The following SBNO1 variants were observed in gnomAD, a reference collection of about 807,000 sequenced individuals.
The protein encoded by SBNO1 is protein strawberry notch homolog 1.
A neutral mutation model predicts 173.6 loss-of-function variants in SBNO1; 23 were observed. The observed-to-expected ratio is 0.13, with a 90% CI of 0.10 to 0.19. The LOEUF is 0.19. SBNO1 is among the 10% of genes least tolerant of loss of function. The pLI, the probability that SBNO1 is intolerant of heterozygous loss-of-function variation, is 1.00. For missense variants in SBNO1, 1,238 were observed against 1,671.2 expected (o/e 0.74, Z 4.52); for synonymous variants, 632 against 571.5 (o/e 1.11, Z -1.51).
Position 123,298,185 on chromosome 12 carries a change from G to GA in SBNO1, c.3846-15dup, listed in dbSNP as rs751769276. 87 of 1,609,628 alleles carry GA rather than the reference G, an allele frequency of 5.4e-5. No individual in the cohort carries two copies. The highest frequency in any genetic ancestry group is 5.4e-5 in the Non-Finnish European group (64 of 1,178,692). On this transcript the variant is annotated splice_polypyrimidine_tract_variant and intron_variant, in intron 30 of 31. Transcript: ENST00000602398. Reference sequence around the variant, plus strand: ...CAATTGCCGCGCCTAAGAAAAATGGGAAAGAAATACATATGAGTGTCTATA... The same window carrying GA: ...CAATTGCCGCGCCTAAGAAAAATGGGAAAAGAAATACATATGAGTGTCTATA...
Position 123,293,538 on chromosome 12 carries a change from C to A in SBNO1, c.*2370G>T, listed in dbSNP as rs1045078340. The A allele has an allele frequency of 6.6e-6, 1 of 152,122 alleles. No homozygotes were observed. The highest frequency in any genetic ancestry group is 1.5e-5 in the Non-Finnish European group (1 of 68,038). The allele number at this position is 152,122 out of a possible 1,614,324, so 9.4% of individuals were successfully genotyped here. A position where few individuals can be genotyped will look rare whatever the true frequency, so the allele number is the denominator to read the frequency against. The stretch of plus-strand genomic sequence containing the variant: ...CCATGACCAGCCTGGGCATGCAGCA[C>A]CCCAGCTCCCATCCATTCACACTGG... On this transcript the variant is annotated 3_prime_UTR_variant, in exon 32 of 32. Transcript: ENST00000602398.
intron 28 of SBNO1, among the ~76,000 whole-genome samples, chr12:123,308,088 A>G (rs963700423): frequency 1.3e-5 from 2 of 152,120 alleles, no homozygotes; most frequent in Non-Finnish European, 2.9e-5. Context: ...AAACAAAACG[A>G]AACAACACAA....
At chr12:123,360,787 C>T (rs1038252299) in intron 1 of SBNO1, among the ~76,000 whole-genome samples, 1 of 152,036 alleles carries the variant, frequency 6.6e-6, no homozygotes, top group Non-Finnish European at 1.5e-5. Flanking sequence ...CTGCATGCTG[C>T]CCCTTTTTCA....
At chr12:123,350,523 C>T in intron 1 of SBNO1, 82 bp from the exon 2 acceptor site, 2 of 1,113,878 alleles carry the variant, frequency 1.8e-6, no homozygotes, top group Non-Finnish European at 2.7e-6. Flanking sequence ...AACAATCCAA[C>T]AATCTCTATT....
chr12:123,320,182 G>A, intron 19 of SBNO1, 151 bp from the exon 20 acceptor site: 1 of 964,492 alleles, frequency 1.0e-6, no homozygotes, highest in African/African-American at 1.6e-5. Flanking sequence ...CAGAGTCCCT[G>A]GAAAAACCTT....
intron 1 of SBNO1, among the ~76,000 whole-genome samples, chr12:123,359,439 G>A (rs1299848314): frequency 6.6e-6 from 1 of 151,478 alleles, no homozygotes; most frequent in Non-Finnish European, 1.5e-5. Context: ...GCACACACTT[G>A]TAATCCCAGT....
intron 23 of SBNO1, among the ~76,000 whole-genome samples, chr12:123,314,580 G>A (rs1490009757): frequency 6.6e-6 from 1 of 151,206 alleles, no homozygotes; most frequent in Non-Finnish European, 1.5e-5. Flanking sequence ...CACCCACCTC[G>A]GTCTCCCAAA....
At chr12:123,310,869 T>A (rs1177029889) in intron 25 of SBNO1, among the ~76,000 whole-genome samples, 186 bp downstream of exon 25, 1 of 152,138 alleles carries the variant, frequency 6.6e-6, no homozygotes, top group Non-Finnish European at 1.5e-5. Flanking sequence ...GAGCTGATCA[T>A]ATCAGCAGCC....
chr12:123,326,182 T>C lies in SBNO1; in HGVS notation c.1845A>G (p.Gln615=), dbSNP rs1353879108. 17 of 1,609,914 alleles carry C rather than the reference T, an allele frequency of 1.1e-5. No individual in the cohort carries two copies. The highest frequency in any genetic ancestry group is 1.7e-5 in the Admixed American group (1 of 59,392). ...CATTCTTGATTTCCTCTCGAGCTAGTTGCACAACCCTTTTAACTTTGGATG... is the reference window on the plus strand; with the variant it reads ...CATTCTTGATTTCCTCTCGAGCTAGCTGCACAACCCTTTTAACTTTGGATG... ...CIASKVKRVV[Q]LAREEIKNGK... Residue 615 remains glutamine (Q), a synonymous_variant, in exon 14 of 32, where the codon CAA becomes CAG. Coordinates refer to ENST00000602398, the MANE Select transcript of SBNO1 (RefSeq NM_001167856.3).
intron 23 of SBNO1, among the ~76,000 whole-genome samples, chr12:123,314,398 C>T (rs1241515306): frequency 2.6e-5 from 4 of 151,610 alleles, no homozygotes; most frequent in Non-Finnish European, 5.9e-5. Context: ...GGTGTAAACT[C>T]GGCTCACTGC....
chr12:123,332,729 G>C (rs1023757594), intron 7 of SBNO1, among the ~76,000 whole-genome samples: 8 of 151,708 alleles, frequency 5.3e-5, no homozygotes, highest in African/African-American at 1.9e-4. Context: ...ACCATGCCTG[G>C]CTAATTTTTG....
At chr12:123,341,582 C>T (rs974958285) in intron 4 of SBNO1, among the ~76,000 whole-genome samples, 2 of 152,200 alleles carry the variant, frequency 1.3e-5, no homozygotes, top group Admixed American at 6.5e-5. Flanking sequence ...AGTGCGTTGG[C>T]GCAATCTCAG....
chr12:123,336,352 G>A (rs1871844515), intron 6 of SBNO1, 43 bp downstream of exon 6: 5 of 1,210,450 alleles, frequency 4.1e-6, no homozygotes, highest in South Asian at 2.7e-5. Flanking sequence ...AGAAACCACA[G>A]GAAAACTTTG....
chr12:123,331,258 T>C lies in SBNO1; in HGVS notation c.1027A>G (p.Arg343Gly). 1 of 1,613,988 alleles carries C rather than the reference T, an allele frequency of 6.2e-7. No homozygotes were observed. Among genetic ancestry groups the C allele is most frequent in the Middle Eastern group, 1.6e-4 (1 of 6,062 alleles). ...AACACTTACCACAATGCTCGTTTTC[T>C]ACTCAACAAATAATTTTCATAGATG... ...GIIYENYLLS[R>G]KRALWFSVSN... is the part of the protein sequence containing the mutation. The change falls in exon 8 of 32, where the codon AGA (arginine) becomes GGA (glycine). Residue 343 changes from arginine to glycine, a missense_variant. Physicochemically the swap from Arg to Gly is moderately radical, Grantham distance 125. Transcript: ENST00000602398.
At chr12:123,298,268 TTC>T (rs2138868103) in intron 30 of SBNO1, 97 bp from the exon 31 acceptor site, 233 of 1,217,810 alleles carry the variant, frequency 1.9e-4, no homozygotes, top group East Asian at 1.3e-3. Flanking sequence ...TTCTTTTCTT[TTC>T]TTTTTTTTTT....
rs999833835 is a variant in SBNO1, at chr12:123,291,479, G to T, written c.*4429C>A. On this transcript the variant is annotated 3_prime_UTR_variant, in exon 32 of 32. Coordinates refer to ENST00000602398, the MANE Select transcript of SBNO1 (RefSeq NM_001167856.3). ...ATAGCTTCCAAAGAACAACATAAAC[G>T]AGCATCAGCAGTCATACAATGACAG... is the stretch of plus-strand genomic sequence containing the variant. 1 of 152,056 alleles carries T rather than the reference G, an allele frequency of 6.6e-6. No individual in the cohort carries two copies. Among genetic ancestry groups the T allele is most frequent in the Non-Finnish European group, 1.5e-5 (1 of 68,016 alleles). 9.4% of individuals were successfully genotyped at this position (152,056 alleles called of 1,614,324 possible).
Position 123,298,049 on chromosome 12 carries a change from G to A in SBNO1, c.3968C>T (p.Ala1323Val). The A allele has an allele frequency of 6.2e-7, 1 of 1,614,018 alleles. No individual in the cohort carries two copies. Among genetic ancestry groups the A allele is most frequent in the Non-Finnish European group, 8.5e-7 (1 of 1,179,996 alleles). The change falls in exon 31 of 32, where the codon GCA becomes GTA. Residue 1323 changes from alanine (A) to valine (V), a missense_variant. Physicochemically the swap from Ala to Val is moderately conservative, Grantham distance 64. Around this residue, in one of 14 missense-constraint regions of SBNO1, gnomAD observed 351 missense variants for 420.3 expected, o/e 0.84. Transcript: ENST00000602398. The part of the protein sequence containing the change: ...SVWTKVEGVL[A>V]SVSGTNVKMQ... The stretch of plus-strand genomic sequence containing the variant: ...CTTCACGTTTGTGCCACTGACAGAT[G>A]CTAGAACACCCTCAACTTTTGTCCA...
In SBNO1 at chr12:123,327,779, T is replaced by C. The variant is rs1260637437; in HGVS notation, c.1466A>G (p.Asn489Ser). The C allele has an allele frequency of 6.2e-7, 1 of 1,613,756 alleles. No homozygotes were observed. The highest frequency in any genetic ancestry group is 1.6e-4 in the Middle Eastern group (1 of 6,084). Residue 489 changes from asparagine to serine, a missense_variant, in exon 12 of 32, where the codon AAC (asparagine) becomes AGC (serine). Asn to Ser is a conservative substitution (Grantham distance 46). Transcript: ENST00000602398. ...ASEPRNMAYM[N>S]RLGIWGEGTP... ...ACCCTCACCCCATATGCCAAGACGGTTCATATAGGCCATGTTGCGTGGTTC... is the reference window on the plus strand; with the variant it reads ...ACCCTCACCCCATATGCCAAGACGGCTCATATAGGCCATGTTGCGTGGTTC...
chr12:123,326,161 C>A lies in SBNO1; in HGVS notation c.1866G>T (p.Lys622Asn). The stretch of plus-strand genomic sequence containing the variant: ...GAGTTCTTCTACTTACTTTTCCATT[C>A]TTGATTTCCTCTCGAGCTAGTTGCA... ...RVVQLAREEIKNGKCVVIGLQ... is the reference protein window; with the variant it reads ...RVVQLAREEINNGKCVVIGLQ... Residue 622 changes from lysine (K) to asparagine (N), a missense_variant, in exon 14 of 32, where the codon AAG becomes AAT. Physicochemically the swap from Lys to Asn is moderately conservative, Grantham distance 94. This residue lies in a region of SBNO1 where 182 missense variants were observed against 339.9 expected (regional missense o/e 0.54). Transcript: ENST00000602398. 6.2e-7 allele frequency: 1 copy of A among 1,605,294 alleles called. No individual in the cohort carries two copies. The highest frequency in any genetic ancestry group is 1.1e-5 in the South Asian group (1 of 89,834).
Sources: gnomAD v4.1 joint callset for allele counts (sites outside exome capture counted in the v4.1 genomes callset) on GRCh38, gnomAD v4.1.1 for gene constraint, gnomAD v4.1.1 regional missense constraint, MANE v1.5 for transcripts, NCBI Gene and HGNC (gene_info 2026-07-23, HGNC 2026-07-21) for gene names.